Variants in SMOC1 observed in about 807,000 individuals in gnomAD.
SMOC1 encodes SPARC related modular calcium binding 1.
In SMOC1, 22 loss-of-function variants were observed where a neutral mutation model predicts 56.3. The observed-to-expected ratio is 0.39, with a 90% CI of 0.28 to 0.56. The LOEUF (loss-of-function observed/expected upper bound fraction) is 0.56. Ranked by LOEUF, SMOC1 falls within the 20% of genes least tolerant of loss-of-function variation. The pLI is 0.61. For missense variants in SMOC1, 509 were observed against 565.4 expected, an observed-to-expected ratio of 0.90 and a Z score of 1.01; for synonymous variants, 193 against 215.0, an observed-to-expected ratio of 0.90 and a Z score of 0.89.
chr14:70,028,652 T>C (rs1298783356), intron 11 of SMOC1, among the ~76,000 whole-genome samples: 2 of 152,172 alleles, frequency 1.3e-5, no homozygotes, highest in South Asian at 2.1e-4. Context: ...CACCTCCTTT[T>C]TAGATGTGCT....
intron 7 of SMOC1, among the ~76,000 whole-genome samples, chr14:70,003,291 T>C (rs2139569588): frequency 6.6e-6 from 1 of 152,346 alleles, no homozygotes; most frequent in South Asian, 2.1e-4. Context: ...GGACAACTCC[T>C]TTTGCAATGA....
Position 69,950,700 on chromosome 14 carries a change from A to C in SMOC1, c.100-1438A>C, listed in dbSNP as rs115552766. On this transcript the variant is annotated intron_variant, in intron 1 of 11. Coordinates refer to ENST00000361956, the MANE Select transcript of SMOC1 (RefSeq NM_001034852.3). ...GTCTCAAGGCCTGTACAATCTAATC[A>C]TGGGTTATGGAGCAGAAGCTCATGG... Among the ~76,000 whole-genome samples the C allele has an allele frequency of 2.5e-3, 386 of 152,330 alleles. 4 individuals carry two copies. Among genetic ancestry groups the C allele is most frequent in the African/African-American group, 9.0e-3 (373 of 41,576 alleles).
At position 70,032,104 on chromosome 14, in the gene SMOC1, A is replaced by G. The variant is rs888143815; in HGVS notation, c.*1846A>G. ...AAAGGTGGGAAGGAAGCCTTCTCCC[A>G]TTAGCCCCAATGAGAGAACTCAACG... On this transcript the variant is annotated 3_prime_UTR_variant, in exon 12 of 12. Transcript: ENST00000361956. 1 of 152,394 alleles carries G rather than the reference A, an allele frequency of 6.6e-6. No individual in the cohort carries two copies. The highest frequency in any genetic ancestry group is 1.5e-5 in the Non-Finnish European group (1 of 68,130). The allele number at this position is 152,394 out of a possible 1,614,324, so 9.4% of individuals were successfully genotyped here. A position where few individuals can be genotyped will look rare whatever the true frequency, so the allele number is the denominator to read the frequency against.
chr14:69,964,170 T>C (rs1055636330), intron 3 of SMOC1, among the ~76,000 whole-genome samples: 1 of 152,194 alleles, frequency 6.6e-6, no homozygotes, highest in African/African-American at 2.4e-5. Flanking sequence ...CCGAGCTCCC[T>C]GTAGCCCTTA....
chr14:69,948,131 T>C (rs1195348651), intron 1 of SMOC1, among the ~76,000 whole-genome samples: 1 of 152,194 alleles, frequency 6.6e-6, no homozygotes, highest in Non-Finnish European at 1.5e-5. Flanking sequence ...ACTGGAGGGT[T>C]TGTGGACACA....
chr14:69,905,020 A>G (rs545927101), intron 1 of SMOC1, among the ~76,000 whole-genome samples: 3 of 152,298 alleles, frequency 2.0e-5, no homozygotes, highest in African/African-American at 7.2e-5. Context: ...GCCTGTAATG[A>G]AGGGGGTGTT....
In SMOC1 at chr14:70,013,564, G is replaced by A. The variant is rs79844562; in HGVS notation, c.1046+73G>A. On this transcript the variant is annotated intron_variant, in intron 10 of 11. Transcript: ENST00000361956. ...CTGACTTTTCAAATGCTGAGGGAGG[G>A]TGAGAGAGTGGGCAGGGTTTGAGGA... is the stretch of plus-strand genomic sequence containing the variant. 19,779 of 1,252,432 alleles carry A rather than the reference G, an allele frequency of 0.016. 340 individuals carry two copies. The highest frequency in any genetic ancestry group is 0.098 in the Middle Eastern group (427 of 4,368). 77.6% of individuals were successfully genotyped at this position (1,252,432 alleles called of 1,614,324 possible). A position where few individuals can be genotyped will look rare whatever the true frequency, so the allele number is the denominator to read the frequency against.
chr14:69,983,272 T>C (rs1347873620), intron 5 of SMOC1, among the ~76,000 whole-genome samples: 1 of 152,222 alleles, frequency 6.6e-6, no homozygotes, highest in East Asian at 1.9e-4. Flanking sequence ...TTCATTTGAA[T>C]CCCTGGTGTT....
intron 10 of SMOC1, among the ~76,000 whole-genome samples, chr14:70,019,510 C>A (rs1180036842): frequency 6.6e-6 from 1 of 152,334 alleles, no homozygotes; most frequent in Middle Eastern, 3.4e-3. Context: ...GGTCCCCAGC[C>A]TTTGCCTGAT....
intron 7 of SMOC1, among the ~76,000 whole-genome samples, chr14:70,008,340 A>G (rs1239293880): frequency 6.6e-6 from 1 of 152,134 alleles, no homozygotes; most frequent in Non-Finnish European, 1.5e-5. Flanking sequence ...TAGTCTTGCT[A>G]TGTTACCCAG....
chr14:69,982,139 C>T (rs146147484), intron 5 of SMOC1, among the ~76,000 whole-genome samples: 1 of 152,136 alleles, frequency 6.6e-6, no homozygotes, highest in African/African-American at 2.4e-5. Context: ...GAATTTTCTG[C>T]GGTTTGCATT....
intron 1 of SMOC1, among the ~76,000 whole-genome samples, chr14:69,947,126 T>TTCCC (rs1328895113): frequency 4.8e-5 from 7 of 144,568 alleles, no homozygotes; most frequent in Non-Finnish European, 9.1e-5. Flanking sequence ...CCTTCCTTCC[T>TTCCC]TCCCTCCCTC....
At chr14:69,879,912 C>CA in intron 1 of SMOC1, 135 bp downstream of exon 1, 2 of 756,002 alleles carry the variant, frequency 2.6e-6, no homozygotes, top group Non-Finnish European at 4.0e-6. Flanking sequence ...AGGTCCCCTG[C>CA]GGGCTTGGTG....
chr14:69,952,078 C>A (rs1883017179), intron 1 of SMOC1, 60 bp from the exon 2 acceptor site: 1 of 1,577,474 alleles, frequency 6.3e-7, no homozygotes, highest in South Asian at 1.1e-5. Flanking sequence ...AAGTCATGGA[C>A]TCGCCCCTAC....
At chr14:69,933,445 A>T (rs1490944566) in intron 1 of SMOC1, among the ~76,000 whole-genome samples, 2 of 152,086 alleles carry the variant, frequency 1.3e-5, no homozygotes, top group African/African-American at 4.8e-5. Flanking sequence ...TCTTTTTGTC[A>T]TGGTTCTTTA....
chr14:69,890,632 T>C (rs192925614), intron 1 of SMOC1, among the ~76,000 whole-genome samples: 1 of 152,300 alleles, frequency 6.6e-6, no homozygotes, highest in Admixed American at 6.5e-5. Flanking sequence ...TCTGACACAA[T>C]TGGCCTGTAT....
intron 1 of SMOC1, among the ~76,000 whole-genome samples, chr14:69,941,854 C>T (rs1344018173): frequency 3.3e-5 from 5 of 152,030 alleles, no homozygotes; most frequent in African/African-American, 1.2e-4. Flanking sequence ...CTTTTAAGAC[C>T]CAGTTTATGG....
chr14:69,985,564 T>C (rs1358701018), intron 5 of SMOC1, among the ~76,000 whole-genome samples: 4 of 152,178 alleles, frequency 2.6e-5, no homozygotes, highest in Non-Finnish European at 5.9e-5. Context: ...CGGCCAACCA[T>C]GGTCTGAAAA....
At chr14:69,990,465 C>T (rs919039412) in intron 5 of SMOC1, among the ~76,000 whole-genome samples, 1 of 152,204 alleles carries the variant, frequency 6.6e-6, no homozygotes, top group Non-Finnish European at 1.5e-5. Context: ...TGAAGCCACC[C>T]TGTGTGGAAG....
Sources: gnomAD v4.1 joint callset for allele counts (sites outside exome capture counted in the v4.1 genomes callset) on GRCh38, gnomAD v4.1.1 for gene constraint, MANE v1.5 for transcripts, NCBI Gene and HGNC (gene_info 2026-07-23, HGNC 2026-07-21) for gene names.